ASTN1: variants seen among roughly 807,000 people sequenced by gnomAD.
The protein encoded by ASTN1 is astrotactin-1.
Under a neutral mutation model 140.7 loss-of-function variants are expected in ASTN1, and 41 were observed. That is an observed-to-expected ratio of 0.29 (90% CI 0.23 to 0.38). ASTN1 has a LOEUF of 0.38. Ranked by LOEUF, ASTN1 falls within the 10% of genes least tolerant of loss-of-function variation. ASTN1 has a pLI of 1.00. For synonymous variants in ASTN1, 640 were observed against 652.2 expected (o/e 0.98, Z 0.29); for missense variants, 1,479 against 1,678.8 (o/e 0.88, Z 2.08).
At chr1:176,956,604 G>A (rs1276381951) in intron 11 of ASTN1, among the ~76,000 whole-genome samples, 1 of 152,178 alleles carries the variant, frequency 6.6e-6, no homozygotes, top group Non-Finnish European at 1.5e-5. Flanking sequence ...AGAGCTACCA[G>A]TGAATCATCT....
At chr1:176,952,554 C>CGA (rs1672238110) in intron 11 of ASTN1, among the ~76,000 whole-genome samples, 1 of 152,074 alleles carries the variant, frequency 6.6e-6, no homozygotes, top group Non-Finnish European at 1.5e-5. Flanking sequence ...CCCGAACACA[C>CGA]ATTCTTTAAG....
At chr1:177,013,639 C>G (rs763688229) in intron 8 of ASTN1, among the ~76,000 whole-genome samples, 3 of 152,128 alleles carry the variant, frequency 2.0e-5, no homozygotes, top group African/African-American at 7.2e-5. Context: ...TCCTCCATGG[C>G]GATGTCTGAA....
At chr1:176,955,481 C>T (rs143629041) in intron 11 of ASTN1, among the ~76,000 whole-genome samples, 1 of 152,334 alleles carries the variant, frequency 6.6e-6, no homozygotes, top group Non-Finnish European at 1.5e-5. Flanking sequence ...GTGTGTCTGC[C>T]AATCCGCCTG....
chr1:177,084,874 C>A (rs1044918568), intron 1 of ASTN1, among the ~76,000 whole-genome samples: 2 of 151,842 alleles, frequency 1.3e-5, no homozygotes, highest in South Asian at 4.2e-4. Flanking sequence ...TTTTTCTCTT[C>A]ATGTTCCCAT....
intron 2 of ASTN1, among the ~76,000 whole-genome samples, chr1:177,033,909 T>C (rs1676579331): frequency 6.6e-6 from 1 of 152,138 alleles, no homozygotes; most frequent in Non-Finnish European, 1.5e-5. Flanking sequence ...TGGCACTCGG[T>C]GGGCATAAAT....
chr1:176,908,473 A>G (rs1670092477), intron 16 of ASTN1, among the ~76,000 whole-genome samples: 1 of 152,220 alleles, frequency 6.6e-6, no homozygotes, highest in African/African-American at 2.4e-5. Context: ...GCCAAGGCAG[A>G]GGCTATAGCA....
intron 1 of ASTN1, among the ~76,000 whole-genome samples, chr1:177,082,690 G>T (rs1679237357): frequency 6.6e-6 from 1 of 152,144 alleles, no homozygotes; most frequent in Admixed American, 6.5e-5. Flanking sequence ...AGATGTTTTT[G>T]ATACAAACCA....
intron 1 of ASTN1, among the ~76,000 whole-genome samples, chr1:177,109,796 G>T (rs1680731559): frequency 2.0e-5 from 3 of 152,150 alleles, no homozygotes; most frequent in Admixed American, 2.0e-4. Context: ...TCTCTCATGG[G>T]TCCTTCCTTT....
Position 177,044,176 on chromosome 1 carries a change from T to TACACACACACAC in ASTN1, c.472-11339_472-11328dup, listed in dbSNP as rs3979531. On this transcript the variant is annotated intron_variant, in intron 2 of 22. Transcript: ENST00000361833. ...TAATTTTAAGAAATGAAAAAAAAAATACACACACACACACACACACACACA... is the reference window on the plus strand; with the variant it reads ...TAATTTTAAGAAATGAAAAAAAAAATACACACACACACACACACACACACACACACACACACA... Among the ~76,000 whole-genome samples the TACACACACACAC allele has an allele frequency of 1.0e-4, 15 of 143,384 alleles. No homozygotes were observed. The East Asian group carries it at 1.5e-3, about 14-fold the overall frequency. The allele number at this position is 143,384 out of a possible 152,430, so 94.1% of individuals were successfully genotyped here.
intron 1 of ASTN1, among the ~76,000 whole-genome samples, chr1:177,124,730 C>T (rs1423155805): frequency 6.6e-6 from 1 of 152,154 alleles, no homozygotes; most frequent in Admixed American, 6.5e-5. Context: ...CTTTAGGATT[C>T]ACCAGCATGT....
At chr1:176,970,591 A>AGG (rs1558000239) in intron 8 of ASTN1, among the ~76,000 whole-genome samples, 2 of 136,130 alleles carry the variant, frequency 1.5e-5, no homozygotes, top group Admixed American at 7.1e-5. Context: ...AGGTAGGTAG[A>AGG]TAGATAGATA....
chr1:176,981,677 G>A (rs1438537905), intron 8 of ASTN1: 2 of 152,644 alleles, frequency 1.3e-5, no homozygotes, highest in Non-Finnish European at 2.9e-5. Context: ...TGTGGTGATT[G>A]ATTGGATGTG....
intron 2 of ASTN1, among the ~76,000 whole-genome samples, chr1:177,041,431 A>G (rs1363717543): frequency 6.6e-6 from 1 of 152,254 alleles, no homozygotes; most frequent in African/African-American, 2.4e-5. Flanking sequence ...ACAAGGAAGC[A>G]GAAGCACTCC....
At chr1:177,041,494 C>T (rs1558052391) in intron 2 of ASTN1, among the ~76,000 whole-genome samples, 1 of 152,218 alleles carries the variant, frequency 6.6e-6, no homozygotes, top group African/African-American at 2.4e-5. Flanking sequence ...AGGCTCCCTC[C>T]ATGGGCTGTG....
intron 8 of ASTN1, among the ~76,000 whole-genome samples, chr1:177,013,362 C>A (rs927605337): frequency 2.6e-5 from 4 of 152,218 alleles, no homozygotes; most frequent in Non-Finnish European, 5.9e-5. Context: ...TGTTCCAGAA[C>A]ATTTGCCCTC....
At chr1:177,144,037 T>C (rs565021242) in intron 1 of ASTN1, among the ~76,000 whole-genome samples, 3 of 152,294 alleles carry the variant, frequency 2.0e-5, no homozygotes, top group African/African-American at 7.2e-5. Flanking sequence ...AAATGTCTTT[T>C]CTTTGCCTTT....
intron 8 of ASTN1, among the ~76,000 whole-genome samples, chr1:176,966,908 G>A (rs925176189): frequency 4.0e-5 from 6 of 151,608 alleles, no homozygotes; most frequent in African/African-American, 9.7e-5. Flanking sequence ...TTAAAATTTT[G>A]TAGATACAGG....
Position 177,141,780 on chromosome 1 carries a change from G to T in ASTN1, c.283+22614C>A, listed in dbSNP as rs1332939689. 2.6e-5 allele frequency among the ~76,000 whole-genome samples: 4 copies of T among 152,192 alleles called. No homozygotes were observed. The East Asian group carries it at 7.7e-4, about 29-fold the overall frequency. ...TTAGCTGGTCCTGAAGCTAGGTGGA[G>T]AAAAGAGGTGACATTCATTGGGTCT... is the stretch of plus-strand genomic sequence containing the variant. On this transcript the variant is annotated intron_variant, in intron 1 of 22. Transcript: ENST00000361833.
intron 2 of ASTN1, among the ~76,000 whole-genome samples, chr1:177,041,589 T>C (rs1014140982): frequency 2.6e-5 from 4 of 152,358 alleles, no homozygotes; most frequent in Middle Eastern, 3.4e-3. Context: ...ATGTCTATTC[T>C]GGGCCACGTT....
Sources: allele counts gnomAD v4.1 joint callset (sites outside exome capture counted in the v4.1 genomes callset), GRCh38; gene constraint gnomAD v4.1.1; transcripts MANE v1.5; gene names NCBI Gene and HGNC (gene_info 2026-07-23, HGNC 2026-07-21).